The following TRPV4 variants were observed in gnomAD, a reference collection of about 807,000 sequenced individuals.
The protein encoded by TRPV4 is transient receptor potential cation channel subfamily V member 4.
Under a neutral mutation model 84.1 loss-of-function variants are expected in TRPV4, and 58 were observed. The ratio of observed to expected loss-of-function variants is 0.69; its 90% confidence interval spans 0.56 to 0.86. TRPV4 has a LOEUF of 0.86. TRPV4 is among the 40% of genes least tolerant of loss of function. The pLI, the probability that TRPV4 is intolerant of heterozygous loss-of-function variation, is 0.00. For synonymous variants in TRPV4, 489 were observed against 500.9 expected (o/e 0.98, Z 0.32); for missense variants, 879 against 1,181.1 (o/e 0.74, Z 3.75).
At chr12:109,823,683 A>G (rs1408310869) in intron 1 of TRPV4, among the ~76,000 whole-genome samples, 1 of 151,762 alleles carries the variant, frequency 6.6e-6, no homozygotes, top group Non-Finnish European at 1.5e-5. Context: ...ATGGGTACAG[A>G]GTCCTTTTTT....
chr12:109,803,761 C>T (rs1890954153), intron 3 of TRPV4, among the ~76,000 whole-genome samples: 1 of 152,134 alleles, frequency 6.6e-6, no homozygotes, highest in African/African-American at 2.4e-5. Context: ...ACCTGGCCCT[C>T]GAAAAGATTT....
rs564957514 is a variant in TRPV4, at chr12:109,784,299, C to A, written c.2458+17G>T. 1 of 1,614,098 alleles carries A rather than the reference C, an allele frequency of 6.2e-7. No individual in the cohort carries two copies. On this transcript the variant is annotated intron_variant, in intron 15 of 15. Transcript: ENST00000261740. ...GAATGGACTGGGGCTCCCCTCCGCA[C>A]CCGCCCCTCCACTCACCCCTGCGGA...
rs916525435 is a variant in TRPV4, at chr12:109,798,194, C to T, written c.1152+420G>A. Among the ~76,000 whole-genome samples the T allele has an allele frequency of 1.3e-5, 2 of 152,228 alleles. No individual in the cohort carries two copies. The highest frequency in any genetic ancestry group is 2.4e-5 in the African/African-American group (1 of 41,456). ...CAAGACGGTCCCCACCACAAAGAGC[C>T]TGCCGCCCAAAATAATCATGCTGAA... is the stretch of plus-strand genomic sequence containing the variant. On this transcript the variant is annotated intron_variant, in intron 6 of 15. Coordinates refer to ENST00000261740, the MANE Select transcript of TRPV4 (RefSeq NM_021625.5). The surrounding 1 kb of genome is among the most constrained non-coding windows in gnomAD (Gnocchi z 5.0).
In TRPV4 at chr12:109,814,514, C is replaced by T. The variant is rs1891735247; in HGVS notation, c.283G>A (p.Val95Met). Residue 95 changes from valine to methionine, a missense_variant, in exon 2 of 16, where the codon GTG becomes ATG. This residue lies in a region of TRPV4 where 521 missense variants were observed against 686.6 expected (regional missense o/e 0.76). Coordinates refer to ENST00000261740, the MANE Select transcript of TRPV4 (RefSeq NM_021625.5). The surrounding 1 kb of genome is among the most constrained non-coding windows in gnomAD (Gnocchi z 5.4). ...GGTGCTTTCTTGGGCCCAGGCACCA[C>T]CGAGGACTCATATAGGGTGGACTCC... ...LLESTLYESS[V>M]VPGPKKAPMD... 6.2e-7 allele frequency: 1 copy of T among 1,614,180 alleles called. No individual in the cohort carries two copies. The highest frequency in any genetic ancestry group is 1.6e-4 in the Middle Eastern group (1 of 6,062).
At chr12:109,821,701 T>C (rs1892106035) in intron 1 of TRPV4, among the ~76,000 whole-genome samples, 1 of 152,026 alleles carries the variant, frequency 6.6e-6, no homozygotes, top group South Asian at 2.1e-4. Context: ...CGGCTAATTT[T>C]TCGTATTTTT....
Position 109,783,861 on chromosome 12 carries a change from GCACTC to G in TRPV4, c.2459-88_2459-84del. 1.3e-6 allele frequency: 2 copies of G among 1,495,702 alleles called. No individual in the cohort carries two copies. Among genetic ancestry groups the G allele is most frequent in the South Asian group, 2.4e-5 (2 of 84,728 alleles). The allele number at this position is 1,495,702 out of a possible 1,614,324, so 92.7% of individuals were successfully genotyped here. On this transcript the variant is annotated intron_variant, in intron 15 of 15. Coordinates refer to ENST00000261740, the MANE Select transcript of TRPV4 (RefSeq NM_021625.5). This position sits in a 1 kb window ranked among gnomAD's most constrained non-coding sequence, Gnocchi z 4.6. ...ATATTGAGTGCCTACTGTGTACTGG[GCACTC>G]CACAGTGTTCTGAAGGGGGGATGTG...
In TRPV4 at chr12:109,786,174, T is replaced by C. The variant is rs1237522471; in HGVS notation, c.2336+536A>G. On this transcript the variant is annotated intron_variant, in intron 14 of 15. Coordinates refer to ENST00000261740, the MANE Select transcript of TRPV4 (RefSeq NM_021625.5). The surrounding 1 kb of genome is among the most constrained non-coding windows in gnomAD (Gnocchi z 4.5). ...GAATGAATCAACTGGAAAGAAAAGA[T>C]TCATGAAGGGGTTCCCCTAAGAAGC... 6.6e-6 allele frequency among the ~76,000 whole-genome samples: 1 copy of C among 152,130 alleles called. No homozygotes were observed. Among genetic ancestry groups the C allele is most frequent in the Non-Finnish European group, 1.5e-5 (1 of 68,024 alleles).
chr12:109,802,838 G>C (rs1273442542), intron 4 of TRPV4, among the ~76,000 whole-genome samples, 153 bp downstream of exon 4: 1 of 151,202 alleles, frequency 6.6e-6, no homozygotes, highest in African/African-American at 2.4e-5. Context: ...ATGCATCCAT[G>C]CATCCATCCA....
chr12:109,802,745 C>T (rs781518511), intron 4 of TRPV4, among the ~76,000 whole-genome samples: 2 of 152,084 alleles, frequency 1.3e-5, no homozygotes, highest in Non-Finnish European at 2.9e-5. Flanking sequence ...TAAGAGCCAC[C>T]GCACCCAGTG....
At chr12:109,802,621 T>TTTA (rs1565874290) in intron 4 of TRPV4, among the ~76,000 whole-genome samples, 7 of 151,260 alleles carry the variant, frequency 4.6e-5, no homozygotes, top group South Asian at 2.1e-4. Context: ...TTTATTTTTT[T>TTTA]TTTTTTGTAT....
chr12:109,791,284 G>A (rs1000960119), intron 12 of TRPV4, among the ~76,000 whole-genome samples: 1 of 152,052 alleles, frequency 6.6e-6, no homozygotes, highest in Non-Finnish European at 1.5e-5. Context: ...TCGAGAGGCT[G>A]AGGCAAGAGA....
chr12:109,798,854 C>T lies in TRPV4; in HGVS notation c.912G>A (p.Leu304=), dbSNP rs1890595530. The T allele has an allele frequency of 1.2e-6, 2 of 1,613,924 alleles. No individual in the cohort carries two copies. Among genetic ancestry groups the T allele is most frequent in the Admixed American group, 1.7e-5 (1 of 60,002 alleles). Residue 304 remains leucine (L), a synonymous_variant, in exon 6 of 16, where the codon CTG becomes CTA. Coordinates refer to ENST00000261740, the MANE Select transcript of TRPV4 (RefSeq NM_021625.5). This position sits in a 1 kb window ranked among gnomAD's most constrained non-coding sequence, Gnocchi z 5.0. ...CCGCCTTCTTGTGGGGGTTCTCCGT[C>T]AGGTAGTTGACAATGTGGGGCTGGT... ...CTNQPHIVNY[L]TENPHKKADM...
intron 3 of TRPV4, among the ~76,000 whole-genome samples, chr12:109,805,573 G>A (rs1487311837): frequency 6.6e-6 from 1 of 152,174 alleles, no homozygotes. Flanking sequence ...GGGGGCACAG[G>A]AGGGCGTCCC....
chr12:109,807,689 C>T (rs566963763), intron 3 of TRPV4, among the ~76,000 whole-genome samples: 11 of 152,276 alleles, frequency 7.2e-5, no homozygotes, highest in South Asian at 2.1e-4. Flanking sequence ...TGGAGGGTGC[C>T]GGTGTCCTGA....
At chr12:109,784,860 C>CGG (rs1889587298) in intron 14 of TRPV4, among the ~76,000 whole-genome samples, 2 of 123,796 alleles carry the variant, frequency 1.6e-5, no homozygotes, top group African/African-American at 3.2e-5. Flanking sequence ...AAAAAAAAGA[C>CGG]GTGTGTGTGT....
intron 1 of TRPV4, among the ~76,000 whole-genome samples, chr12:109,825,598 C>A (rs530494176): frequency 1.3e-5 from 2 of 152,246 alleles, no homozygotes; most frequent in Admixed American, 6.5e-5. Flanking sequence ...AGAGACCTCA[C>A]CTTTGGAAAG....
intron 1 of TRPV4, among the ~76,000 whole-genome samples, chr12:109,818,028 C>T (rs945632271): frequency 2.6e-5 from 4 of 152,114 alleles, no homozygotes; most frequent in African/African-American, 9.7e-5. Flanking sequence ...GATGAGGAAA[C>T]TGAGGCTCAG....
intron 1 of TRPV4, among the ~76,000 whole-genome samples, chr12:109,824,522 G>A (rs748714597): frequency 1.3e-5 from 2 of 151,896 alleles, no homozygotes; most frequent in African/African-American, 2.4e-5. Context: ...TTGGGAGACC[G>A]AGGTGGGCGG....
At chr12:109,820,605 C>G (rs995795642) in intron 1 of TRPV4, among the ~76,000 whole-genome samples, 1 of 147,572 alleles carries the variant, frequency 6.8e-6, no homozygotes, top group South Asian at 2.1e-4. Context: ...TCACTGCAAG[C>G]TCCGCCTCCC....
Sources: allele counts gnomAD v4.1 joint callset (sites outside exome capture counted in the v4.1 genomes callset), GRCh38; gene constraint gnomAD v4.1.1; regional missense constraint gnomAD v4.1.1; non-coding constraint Gnocchi (gnomAD v3.1); transcripts MANE v1.5; gene names NCBI Gene and HGNC (gene_info 2026-07-23, HGNC 2026-07-21).